The following SYNE1 variants were observed in gnomAD, a reference collection of about 807,000 sequenced individuals.
SYNE1 encodes nesprin-1.
Under a neutral mutation model 1,111.0 loss-of-function variants are expected in SYNE1, and 616 were observed. That is an observed-to-expected ratio of 0.55 (90% confidence interval 0.52 to 0.59). SYNE1 has a LOEUF of 0.59. Among genes scored for constraint, SYNE1 ranks in the 20% least tolerant of loss-of-function variants. The probability of loss-of-function intolerance (pLI) is 0.00; values close to 1 mark genes in which losing one functional copy is unlikely to be tolerated. For synonymous variants in SYNE1, 3,855 were observed against 3,825.8 expected, an observed-to-expected ratio of 1.01 and a Z score of -0.28; for missense variants, 10,006 against 10,417.0, an observed-to-expected ratio of 0.96 and a Z score of 1.72.
In SYNE1 at chr6:152,236,958, C is replaced by A. The variant is rs375325366; in HGVS notation, c.20068-10G>T. 10 of 1,612,340 alleles carry A rather than the reference C, an allele frequency of 6.2e-6. No homozygotes were observed. Among genetic ancestry groups the A allele is most frequent in the African/African-American group, 4.0e-5 (3 of 74,842 alleles). On this transcript the variant is annotated splice_polypyrimidine_tract_variant and intron_variant, in intron 108 of 145. Coordinates refer to ENST00000367255, the MANE Select transcript of SYNE1 (RefSeq NM_182961.4). ...CCAGATGGGACCACGTCTAGAAACA[C>A]AACATGAGTCTGTGAGCTAAAAAAA...
chr6:152,323,367 A>T (rs1482077822), intron 82 of SYNE1, 111 bp downstream of exon 82: 1 of 1,490,814 alleles, frequency 6.7e-7, no homozygotes, highest in East Asian at 2.4e-5. Flanking sequence ...TGAACCCGGG[A>T]GGCGGAGCTT....
At chr6:152,146,819 T>A (rs1425122151) in intron 137 of SYNE1, 1 of 152,294 alleles carries the variant, frequency 6.6e-6, no homozygotes, top group African/African-American at 2.4e-5. Context: ...GCTTGGGTGG[T>A]GGTCCTTCTT....
intron 10 of SYNE1, among the ~76,000 whole-genome samples, chr6:152,499,061 A>G (rs944852484): frequency 6.6e-6 from 1 of 152,140 alleles, no homozygotes; most frequent in African/African-American, 2.4e-5. Flanking sequence ...ATATCTCGAA[A>G]TAACATTAAA....
intron 87 of SYNE1, chr6:152,315,125 A>T (rs2095673133): frequency 6.6e-6 from 1 of 151,260 alleles, no homozygotes; most frequent in African/African-American, 2.4e-5. Flanking sequence ...AATACTGTGG[A>T]AAATATTTTC....
chr6:152,588,794 G>A (rs1443675309), intron 3 of SYNE1, among the ~76,000 whole-genome samples: 1 of 152,134 alleles, frequency 6.6e-6, no homozygotes, highest in African/African-American at 2.4e-5. Context: ...TCCAAAAGAG[G>A]CTGGTAGGGA....
rs780396792 is a variant in SYNE1 at position 152,390,467 on chromosome 6, A to G, written c.8005-15T>C. On this transcript the variant is annotated splice_polypyrimidine_tract_variant and intron_variant, in intron 52 of 145. Coordinates refer to ENST00000367255, the MANE Select transcript of SYNE1 (RefSeq NM_182961.4). ...AGGAGAATATCCTGGGAAGGAAGAAAGAATACTCATCAGTAGGCATGTAAA... is the reference window on the plus strand; with the variant it reads ...AGGAGAATATCCTGGGAAGGAAGAAGGAATACTCATCAGTAGGCATGTAAA... 1 of 1,613,864 alleles carries G rather than the reference A, an allele frequency of 6.2e-7. No homozygotes were observed. Among genetic ancestry groups the G allele is most frequent in the Non-Finnish European group, 8.5e-7 (1 of 1,179,882 alleles).
At chr6:152,261,205 T>C (rs1588956816) in intron 101 of SYNE1, among the ~76,000 whole-genome samples, 1 of 152,198 alleles carries the variant, frequency 6.6e-6, no homozygotes, top group East Asian at 1.9e-4. Flanking sequence ...ATAATACTGC[T>C]GACTTGGAAT....
At chr6:152,629,552 A>C (rs911035340) in intron 2 of SYNE1, among the ~76,000 whole-genome samples, 3 of 16,154 alleles carry the variant, frequency 1.9e-4, no homozygotes, top group Admixed American at 8.6e-4. Flanking sequence ...GGAGGGGAGG[A>C]GGGGGTGCAG....
intron 75 of SYNE1, among the ~76,000 whole-genome samples, chr6:152,338,755 C>T (rs947729032): frequency 6.6e-6 from 1 of 152,156 alleles, no homozygotes; most frequent in African/African-American, 2.4e-5. Context: ...ACTGCTAGCT[C>T]ATCATAGCCC....
At chr6:152,411,312 C>T (rs560864280) in intron 42 of SYNE1, among the ~76,000 whole-genome samples, 3 of 152,260 alleles carry the variant, frequency 2.0e-5, no homozygotes, top group Non-Finnish European at 4.4e-5. Context: ...TAGTATAAGT[C>T]CTCCAATCCT....
intron 51 of SYNE1, among the ~76,000 whole-genome samples, chr6:152,392,838 T>C (rs2097667207): frequency 1.3e-5 from 2 of 152,236 alleles, no homozygotes; most frequent in Admixed American, 1.3e-4. Context: ...TGAGATAAAT[T>C]GCTTAATGCA....
In SYNE1 at chr6:152,293,702, C is replaced by T. The variant is rs1198326192; in HGVS notation, c.17898G>A (p.Gln5966=). The part of the protein sequence containing the change: ...RTLYEALERQ[Q]KYQDSLQSIS... ...TGGACTGGAGGGAGTCCTGGTACTT[C>T]TGCTGGCGTTCCAAAGCTTCATAGA... Residue 5966 remains glutamine (Q), a synonymous_variant, in exon 95 of 146, where the codon CAG becomes CAA. Transcript: ENST00000367255. The T allele has an allele frequency of 3.7e-6, 6 of 1,614,042 alleles. No homozygotes were observed. Among genetic ancestry groups the T allele is most frequent in the Non-Finnish European group, 5.1e-6 (6 of 1,180,042 alleles).
intron 3 of SYNE1, among the ~76,000 whole-genome samples, chr6:152,581,403 G>T (rs893623875): frequency 1.3e-5 from 2 of 152,164 alleles, no homozygotes; most frequent in Non-Finnish European, 2.9e-5. Flanking sequence ...GTCTCTGAGG[G>T]TGCAAAGAAT....
chr6:152,475,450 A>G (rs1265393006), intron 14 of SYNE1, among the ~76,000 whole-genome samples: 2 of 152,228 alleles, frequency 1.3e-5, no homozygotes, highest in Non-Finnish European at 2.9e-5. Context: ...AATGTTGAAT[A>G]TCTCATATAA....
At chr6:152,208,809 G>A (rs965558150) in intron 124 of SYNE1, among the ~76,000 whole-genome samples, 2 of 152,088 alleles carry the variant, frequency 1.3e-5, no homozygotes, top group Admixed American at 6.5e-5. Context: ...CTACATTGTA[G>A]GCTGACTTCA....
At chr6:152,226,324 TACCC>T (rs58645153) in intron 115 of SYNE1, among the ~76,000 whole-genome samples, 70,803 of 151,866 alleles carry the variant, frequency 0.47, 17,106 homozygotes, top group East Asian at 0.74. Context: ...ACTACTCACC[TACCC>T]AAAGCTGAGT....
chr6:152,143,318 A>G (rs1039860419), intron 138 of SYNE1, among the ~76,000 whole-genome samples: 5 of 152,258 alleles, frequency 3.3e-5, no homozygotes, highest in Admixed American at 2.0e-4. Flanking sequence ...TTGAATTTGG[A>G]AAAATGCCTA....
chr6:152,392,263 A>G (rs181911120), intron 51 of SYNE1, among the ~76,000 whole-genome samples: 1 of 148,524 alleles, frequency 6.7e-6, no homozygotes, highest in African/African-American at 2.5e-5. Flanking sequence ...GACTAAGTGC[A>G]AAAAAAAAAT....
Position 152,609,634 on chromosome 6 carries a change from G to T in SYNE1, c.67+18631C>A, listed in dbSNP as rs550520996. ...AGACAGCGGTGGTTCTCCCAGCACG[G>T]CGTTTGAGCTCTGAGAAAGGACAGA... On this transcript the variant is annotated intron_variant, in intron 3 of 145. Coordinates refer to ENST00000367255, the MANE Select transcript of SYNE1 (RefSeq NM_182961.4). Among the ~76,000 whole-genome samples, 19 of 152,234 alleles carry T rather than the reference G, an allele frequency of 1.2e-4. 1 individual carries two copies. In the East Asian group the frequency reaches 1.4e-3, roughly 11 times the overall value.
Sources: gnomAD v4.1 joint callset for allele counts (sites outside exome capture counted in the v4.1 genomes callset) on GRCh38, gnomAD v4.1.1 for gene constraint, MANE v1.5 for transcripts, NCBI Gene and HGNC (gene_info 2026-07-23, HGNC 2026-07-21) for gene names.